PLEKHA5: variants seen among roughly 807,000 people sequenced by gnomAD.
PLEKHA5 encodes the protein pleckstrin homology domain-containing family A member 5.
Under a neutral mutation model 181.9 loss-of-function variants are expected in PLEKHA5, and 55 were observed. That is an observed-to-expected ratio of 0.30 (90% CI 0.24 to 0.38). The LOEUF (loss-of-function observed/expected upper bound fraction) is 0.38, where lower values mean the gene tolerates loss of function less well. Ranked by LOEUF, PLEKHA5 falls within the 10% of genes least tolerant of loss-of-function variation. The pLI, the probability that PLEKHA5 is intolerant of heterozygous loss-of-function variation, is 1.00. For synonymous variants in PLEKHA5, 535 were observed against 529.4 expected (o/e 1.01, Z -0.15); for missense variants, 1,432 against 1,549.5 (o/e 0.92, Z 1.27).
At chr12:19,244,787 T>C (rs1362224422) in intron 3 of PLEKHA5, among the ~76,000 whole-genome samples, 3 of 152,222 alleles carry the variant, frequency 2.0e-5, no homozygotes, top group Non-Finnish European at 4.4e-5. Flanking sequence ...GTTACATATA[T>C]GAAACACTGC....
At chr12:19,198,894 G>A (rs1251772313) in intron 3 of PLEKHA5, among the ~76,000 whole-genome samples, 1 of 152,052 alleles carries the variant, frequency 6.6e-6, no homozygotes, top group Admixed American at 6.6e-5. Flanking sequence ...TTTTCTATAA[G>A]ACCATTACTC....
chr12:19,282,509 G>A (rs1218945517), intron 11 of PLEKHA5, among the ~76,000 whole-genome samples: 1 of 152,140 alleles, frequency 6.6e-6, no homozygotes, highest in Non-Finnish European at 1.5e-5. Flanking sequence ...CATACTTCCT[G>A]AAAGAAAACA....
chr12:19,170,637 C>A (rs2083937202), intron 3 of PLEKHA5, among the ~76,000 whole-genome samples: 2 of 152,206 alleles, frequency 1.3e-5, no homozygotes, highest in Admixed American at 1.3e-4. Context: ...CCAGGATAGT[C>A]TCGATCTCTT....
chr12:19,220,318 A>T (rs1458764103), intron 3 of PLEKHA5, among the ~76,000 whole-genome samples: 1 of 152,014 alleles, frequency 6.6e-6, no homozygotes, highest in Non-Finnish European at 1.5e-5. Flanking sequence ...TGTTAGCCAC[A>T]TTTCCAGATG....
intron 3 of PLEKHA5, among the ~76,000 whole-genome samples, chr12:19,169,650 C>T (rs2045432359): frequency 6.6e-6 from 1 of 152,178 alleles, no homozygotes; most frequent in African/African-American, 2.4e-5. Context: ...AGAACCCATA[C>T]AAGTCTTTTC....
rs779522183 is a variant in PLEKHA5 at position 19,283,378 on chromosome 12, G to C, written c.1412G>C (p.Ser471Thr). The C allele has an allele frequency of 6.2e-7, 1 of 1,613,934 alleles. No individual in the cohort carries two copies. Among genetic ancestry groups the C allele is most frequent in the Admixed American group, 1.7e-5 (1 of 59,966 alleles). Residue 471 changes from serine (S) to threonine (T), a missense_variant, in exon 12 of 32, where the codon AGC becomes ACC. By Grantham distance (58) the Ser-to-Thr change is moderately conservative. Coordinates refer to ENST00000429027, the MANE Select transcript of PLEKHA5 (RefSeq NM_001256470.2). ...PEGYRTLPRN[S>T]KTRPESICSV... ...GGTTATAGAACACTCCCAAGAAACA[G>C]CAAGACAAGGCCTGAAAGTATCTGC...
At chr12:19,261,218 C>T (rs1220758109) in intron 7 of PLEKHA5, among the ~76,000 whole-genome samples, 197 bp downstream of exon 7, 2 of 151,952 alleles carry the variant, frequency 1.3e-5, no homozygotes, top group Non-Finnish European at 2.9e-5. Context: ...TGCTTCAGAC[C>T]GTGTTTGGTC....
intron 3 of PLEKHA5, among the ~76,000 whole-genome samples, chr12:19,211,561 A>G (rs1235785212): frequency 6.6e-6 from 1 of 152,196 alleles, no homozygotes; most frequent in Non-Finnish European, 1.5e-5. Context: ...ATATCTGCCC[A>G]TTAAAACTGA....
Position 19,283,395 on chromosome 12 carries a change from A to G in PLEKHA5, c.1429A>G (p.Ser477Gly), listed in dbSNP as rs2076592361. The G allele has an allele frequency of 6.2e-7, 1 of 1,613,972 alleles. No homozygotes were observed. Among genetic ancestry groups the G allele is most frequent in the Non-Finnish European group, 8.5e-7 (1 of 1,180,010 alleles). Residue 477 changes from serine to glycine, a missense_variant, in exon 12 of 32, where the codon AGT (serine) becomes GGT (glycine). By Grantham distance (56) the Ser-to-Gly change is moderately conservative. This residue lies in a region of PLEKHA5 where 1,143 missense variants were observed against 1,168.4 expected (regional missense o/e 0.98). Coordinates refer to ENST00000429027, the MANE Select transcript of PLEKHA5 (RefSeq NM_001256470.2). ...LPRNSKTRPESICSVTPSTHD... is the reference protein window; with the variant it reads ...LPRNSKTRPEGICSVTPSTHD... ...AAGAAACAGCAAGACAAGGCCTGAA[A>G]GTATCTGCAGTGTAACCCCTTCCAC...
At chr12:19,231,626 C>G (rs1172490688) in intron 3 of PLEKHA5, among the ~76,000 whole-genome samples, 38 of 38,998 alleles carry the variant, frequency 9.7e-4, no homozygotes, top group Non-Finnish European at 2.2e-3. Flanking sequence ...ACTCATAAAG[C>G]TTGAGTTATT....
intron 11 of PLEKHA5, among the ~76,000 whole-genome samples, chr12:19,275,780 G>A (rs1162621335): frequency 6.6e-6 from 1 of 151,954 alleles, no homozygotes; most frequent in Non-Finnish European, 1.5e-5. Flanking sequence ...AAAAAAAAAT[G>A]TAAATATATT....
chr12:19,146,923 G>A (rs112715473), intron 3 of PLEKHA5, among the ~76,000 whole-genome samples: 16 of 152,310 alleles, frequency 1.1e-4, no homozygotes, highest in African/African-American at 3.8e-4. Context: ...AAGTGGAGAG[G>A]ATAATTCTTG....
Position 19,367,124 on chromosome 12 carries a change from G to A in PLEKHA5, c.3754+1015G>A, listed in dbSNP as rs567858093. ...TGGTCTGGAACTCCTGACCTCCAGT[G>A]ATCAGCGCGCCTCAACCTCCCAAAG... is the stretch of plus-strand genomic sequence containing the variant. On this transcript the variant is annotated intron_variant, in intron 30 of 31. Coordinates refer to ENST00000429027, the MANE Select transcript of PLEKHA5 (RefSeq NM_001256470.2). Among the ~76,000 whole-genome samples, 7 of 152,122 alleles carry A rather than the reference G, an allele frequency of 4.6e-5. No individual in the cohort carries two copies. In the South Asian group the frequency reaches 1.2e-3, roughly 27 times the overall value.
intron 3 of PLEKHA5, among the ~76,000 whole-genome samples, chr12:19,177,715 C>T (rs1028017333): frequency 6.6e-6 from 1 of 152,108 alleles, no homozygotes; most frequent in Admixed American, 6.5e-5. Flanking sequence ...GCCCCATTTC[C>T]AGTTTATAGT....
In PLEKHA5 at chr12:19,129,838, C is replaced by G; in HGVS notation, c.39C>G (p.Pro13=). The change falls in exon 1 of 32, where the codon CCC becomes CCG. Residue 13 remains proline (P), a synonymous_variant. Coordinates refer to ENST00000429027, the MANE Select transcript of PLEKHA5 (RefSeq NM_001256470.2). ...TGAACCTGGAGTGGATCTCCCTGCC[C>G]CGGTCCTGGACTTACGGGATCACCA... The part of the protein sequence containing the change: ...ADLNLEWISL[P]RSWTYGITRG... 6.2e-7 allele frequency: 1 copy of G among 1,607,256 alleles called. No homozygotes were observed. Among genetic ancestry groups the G allele is most frequent in the Non-Finnish European group, 8.5e-7 (1 of 1,177,296 alleles).
rs1374016868 is a variant in PLEKHA5 at position 19,206,639 on chromosome 12, A to G, written c.228-47301A>G. On this transcript the variant is annotated intron_variant, in intron 3 of 31. Transcript: ENST00000429027. ...TAGTACCTTCAAATGCCAGGCAATT[A>G]TGTGAGGCTTTCCTGAAATATCTTT... 2.0e-5 allele frequency among the ~76,000 whole-genome samples: 3 copies of G among 152,130 alleles called. No homozygotes were observed. In the South Asian group the frequency reaches 6.2e-4, roughly 32 times the overall value.
At chr12:19,306,610 A>AGGTGGTGGCGGC in intron 15 of PLEKHA5, 1 of 931,308 alleles carries the variant, frequency 1.1e-6, no homozygotes. Context: ...CCAGTAGCGG[A>AGGTGGTGGCGGC]GGTGGTGGCG....
intron 3 of PLEKHA5, among the ~76,000 whole-genome samples, chr12:19,191,175 A>C (rs899230763): frequency 4.6e-5 from 7 of 152,200 alleles, no homozygotes; most frequent in African/African-American, 1.7e-4. Context: ...AAGTACTGGT[A>C]GCAAACATCC....
chr12:19,221,342 A>C (rs1016932825), intron 3 of PLEKHA5, among the ~76,000 whole-genome samples: 15 of 152,198 alleles, frequency 9.9e-5, no homozygotes, highest in Non-Finnish European at 1.8e-4. Context: ...AGCTACAAAA[A>C]TGACATAAAT....
Sources: gnomAD v4.1 joint callset for allele counts (sites outside exome capture counted in the v4.1 genomes callset) on GRCh38, gnomAD v4.1.1 for gene constraint, gnomAD v4.1.1 regional missense constraint, MANE v1.5 for transcripts, NCBI Gene and HGNC (gene_info 2026-07-23, HGNC 2026-07-21) for gene names.